The following UBE2G1 variants were observed in gnomAD, a reference collection of about 807,000 sequenced individuals.
UBE2G1 encodes the protein ubiquitin conjugating enzyme E2 G1.
A neutral mutation model predicts 22.7 loss-of-function variants in UBE2G1; 5 were observed. The observed-to-expected ratio is 0.22, with a 90% CI of 0.12 to 0.46. UBE2G1 has a LOEUF of 0.46. Ranked by LOEUF, UBE2G1 falls within the 20% of genes least tolerant of loss-of-function variation. The pLI is 0.99. For synonymous variants in UBE2G1, 74 were observed against 67.5 expected, an observed-to-expected ratio of 1.10 and a Z score of -0.47; for missense variants, 88 against 203.9, an observed-to-expected ratio of 0.43 and a Z score of 3.46.
intron 1 of UBE2G1, among the ~76,000 whole-genome samples, chr17:4,339,112 G>A (rs1452252192): frequency 6.6e-6 from 1 of 152,024 alleles, no homozygotes; most frequent in Non-Finnish European, 1.5e-5. Context: ...CAGTAACAAC[G>A]AACGCTTTTT....
chr17:4,355,686 C>T (rs1202730703), intron 1 of UBE2G1, among the ~76,000 whole-genome samples: 1 of 148,404 alleles, frequency 6.7e-6, no homozygotes, highest in Non-Finnish European at 1.5e-5. Flanking sequence ...ACTGGCTGCT[C>T]TGCCTATGGA....
intron 1 of UBE2G1, among the ~76,000 whole-genome samples, chr17:4,310,107 C>G (rs181742559): frequency 6.6e-6 from 1 of 152,278 alleles, no homozygotes; most frequent in Non-Finnish European, 1.5e-5. Context: ...CAGGCTTAAT[C>G]CATTTAAAGT....
intron 2 of UBE2G1, among the ~76,000 whole-genome samples, chr17:4,306,548 A>T (rs572698389): frequency 3.2e-4 from 48 of 152,262 alleles, no homozygotes; most frequent in African/African-American, 1.1e-3. Context: ...GCAAAACACA[A>T]AAACTCTTCC....
intron 1 of UBE2G1, among the ~76,000 whole-genome samples, chr17:4,359,851 C>CAAAAAA (rs35941094): frequency 2.8e-5 from 3 of 107,510 alleles, no homozygotes; most frequent in Non-Finnish European, 6.7e-5. Context: ...GGCTCCATCT[C>CAAAAAA]AAAAAAAAAA....
At chr17:4,360,707 T>G (rs1597269194) in intron 1 of UBE2G1, among the ~76,000 whole-genome samples, 2 of 146,776 alleles carry the variant, frequency 1.4e-5, no homozygotes, top group South Asian at 2.2e-4. Context: ...AGACCGGGAG[T>G]TCAAGACCAG....
intron 2 of UBE2G1, among the ~76,000 whole-genome samples, chr17:4,305,427 A>G (rs1268020997): frequency 6.6e-6 from 1 of 152,212 alleles, no homozygotes; most frequent in Non-Finnish European, 1.5e-5. Flanking sequence ...AGAAGTGACC[A>G]CCAGTATTCT....
intron 1 of UBE2G1, among the ~76,000 whole-genome samples, chr17:4,315,797 CTCCTT>C (rs752984484): frequency 0.072 from 5,028 of 69,532 alleles, 129 homozygotes; most frequent in Middle Eastern, 0.12. Flanking sequence ...AGAAAAGAGG[CTCCTT>C]TTTTTTTTTT....
At chr17:4,338,040 C>T (rs1421793100) in intron 1 of UBE2G1, among the ~76,000 whole-genome samples, 3 of 151,978 alleles carry the variant, frequency 2.0e-5, no homozygotes, top group African/African-American at 7.2e-5. Flanking sequence ...CATGCTGGCA[C>T]GTGCCTGTAG....
rs567746867 is a variant in UBE2G1 at position 4,337,431 on chromosome 17, T to C, written c.46+28840A>G. On this transcript the variant is annotated intron_variant, in intron 1 of 5. Transcript: ENST00000396981. ...ACTTTGGGAGGTCGAGGCAGGTGGA[T>C]CACCTGAGGTCAGGGGTTCGAAACC... 1.1e-3 allele frequency among the ~76,000 whole-genome samples: 171 copies of C among 151,230 alleles called. 2 individuals are homozygous for C. Among genetic ancestry groups the C allele is most frequent in the African/African-American group, 3.9e-3 (161 of 41,216 alleles).
At chr17:4,336,968 T>G (rs1969655307) in intron 1 of UBE2G1, among the ~76,000 whole-genome samples, 1 of 152,160 alleles carries the variant, frequency 6.6e-6, no homozygotes, top group Non-Finnish European at 1.5e-5. Flanking sequence ...TTCAGGAAAG[T>G]AGAAATAGTC....
At chr17:4,339,403 C>G (rs1015755437) in intron 1 of UBE2G1, among the ~76,000 whole-genome samples, 1 of 151,904 alleles carries the variant, frequency 6.6e-6, no homozygotes, top group African/African-American at 2.4e-5. Flanking sequence ...CTCCCGGCTT[C>G]AAGCAATTCT....
chr17:4,349,819 G>C (rs559374370), intron 1 of UBE2G1, among the ~76,000 whole-genome samples: 5 of 150,858 alleles, frequency 3.3e-5, no homozygotes, highest in African/African-American at 7.4e-5. Context: ...CTCCAGTCTC[G>C]GCGACAGAGC....
intron 1 of UBE2G1, among the ~76,000 whole-genome samples, chr17:4,360,386 A>T (rs928106203): frequency 2.6e-5 from 4 of 152,218 alleles, no homozygotes; most frequent in Admixed American, 2.6e-4. Flanking sequence ...CAACAAAAAA[A>T]TTGTACTGAA....
chr17:4,362,897 T>C (rs1272753554), intron 1 of UBE2G1, among the ~76,000 whole-genome samples: 10 of 151,994 alleles, frequency 6.6e-5, no homozygotes, highest in African/African-American at 2.4e-4. Flanking sequence ...CCGAGGTGGG[T>C]GGATCACCTG....
intron 2 of UBE2G1, among the ~76,000 whole-genome samples, chr17:4,304,578 A>G (rs1377000454): frequency 6.7e-6 from 1 of 148,352 alleles, no homozygotes; most frequent in East Asian, 2.0e-4. Flanking sequence ...ACCGGTTATC[A>G]ATCACATAGA....
chr17:4,337,590 T>C (rs1169082805), intron 1 of UBE2G1, among the ~76,000 whole-genome samples: 4 of 145,846 alleles, frequency 2.7e-5, no homozygotes, highest in African/African-American at 5.1e-5. Flanking sequence ...GAGGTGGAGG[T>C]TGCAATGAGC....
At chr17:4,278,446 T>A (rs187148605) in intron 5 of UBE2G1, among the ~76,000 whole-genome samples, 1 of 151,264 alleles carries the variant, frequency 6.6e-6, no homozygotes, top group South Asian at 2.1e-4. Context: ...AAAGAAAAAA[T>A]AAAAAAAAAT....
At chr17:4,301,512 CA>C in intron 2 of UBE2G1, 1 of 1,006,252 alleles carries the variant, frequency 9.9e-7, no homozygotes, top group Non-Finnish European at 1.6e-6. Flanking sequence ...ACGGAACAGG[CA>C]GGTGAACACC....
chr17:4,330,865 A>G (rs146147977), intron 1 of UBE2G1, among the ~76,000 whole-genome samples: 7,111 of 151,814 alleles, frequency 0.047, 604 homozygotes, highest in African/African-American at 0.16. Context: ...AAGTGCTGGG[A>G]TTACAGGCAT....
Sources: gnomAD v4.1 joint callset for allele counts (sites outside exome capture counted in the v4.1 genomes callset) on GRCh38, gnomAD v4.1.1 for gene constraint, MANE v1.5 for transcripts, NCBI Gene and HGNC (gene_info 2026-07-23, HGNC 2026-07-21) for gene names.